PLXNA4: variants seen among roughly 807,000 people sequenced by gnomAD.
PLXNA4 encodes plexin-A4.
A neutral mutation model predicts 191.8 loss-of-function variants in PLXNA4; 44 were observed. The ratio of observed to expected loss-of-function variants is 0.23; its 90% CI spans 0.18 to 0.29. The LOEUF is 0.29. PLXNA4 is among the 10% of genes least tolerant of loss of function. PLXNA4 has a pLI of 1.00. For synonymous variants in PLXNA4, 1,082 were observed against 1,009.5 expected, an observed-to-expected ratio of 1.07 and a Z score of -1.36; for missense variants, 1,800 against 2,488.8, an observed-to-expected ratio of 0.72 and a Z score of 5.89.
chr7:132,292,899 G>A (rs1349895452), intron 4 of PLXNA4, among the ~76,000 whole-genome samples: 1 of 152,222 alleles, frequency 6.6e-6, no homozygotes, highest in Non-Finnish European at 1.5e-5. Context: ...CCACAGGCAT[G>A]AGGAGGGACC....
At chr7:132,280,037 A>G (rs1027321972) in intron 4 of PLXNA4, among the ~76,000 whole-genome samples, 1 of 152,194 alleles carries the variant, frequency 6.6e-6, no homozygotes, top group Non-Finnish European at 1.5e-5. Flanking sequence ...TATCCTTACT[A>G]TGTTTGATGG....
At chr7:132,558,016 CAAG>C (rs1800877914) in intron 1 of PLXNA4, among the ~76,000 whole-genome samples, 1 of 152,102 alleles carries the variant, frequency 6.6e-6, no homozygotes, top group Non-Finnish European at 1.5e-5. Context: ...TGCCTGCTTT[CAAG>C]AAGCTTGCAA....
At chr7:132,642,571 G>C (rs1448829794) in intron 2 of PLXNA4, among the ~76,000 whole-genome samples, 1 of 152,080 alleles carries the variant, frequency 6.6e-6, no homozygotes, top group Non-Finnish European at 1.5e-5. Flanking sequence ...CAGACTTGAA[G>C]TTGAGGGCGA....
chr7:132,616,828 G>T (rs889825722), intron 2 of PLXNA4, among the ~76,000 whole-genome samples: 3 of 152,100 alleles, frequency 2.0e-5, no homozygotes, highest in African/African-American at 4.8e-5. Context: ...GTGGTAGACT[G>T]TGCGGTTCTC....
At chr7:132,605,361 A>G (rs1021855810) in intron 2 of PLXNA4, among the ~76,000 whole-genome samples, 1 of 152,080 alleles carries the variant, frequency 6.6e-6, no homozygotes, top group East Asian at 1.9e-4. Flanking sequence ...CAGCTGTAAG[A>G]ATTTAGAGAG....
At chr7:132,241,533 G>A (rs573039004) in intron 4 of PLXNA4, among the ~76,000 whole-genome samples, 79 of 152,134 alleles carry the variant, frequency 5.2e-4, no homozygotes, top group Non-Finnish European at 1.1e-3. Context: ...TCCTATCAAT[G>A]TAACAAGTGC....
intron 3 of PLXNA4, among the ~76,000 whole-genome samples, chr7:132,415,784 G>A (rs1307196002): frequency 6.6e-6 from 1 of 152,202 alleles, no homozygotes; most frequent in Non-Finnish European, 1.5e-5. Flanking sequence ...GGAAACTGAG[G>A]TCTGGATAGG....
intron 1 of PLXNA4, among the ~76,000 whole-genome samples, chr7:132,573,260 G>A (rs1039440348): frequency 6.6e-6 from 1 of 152,150 alleles, no homozygotes; most frequent in Non-Finnish European, 1.5e-5. Context: ...GATCATGGTC[G>A]TGTTTTCTGT....
chr7:132,523,381 G>C (rs552588428), intron 1 of PLXNA4, among the ~76,000 whole-genome samples: 1 of 152,250 alleles, frequency 6.6e-6, no homozygotes, highest in South Asian at 2.1e-4. Context: ...TGGCCAGGGG[G>C]AGCCAGCCAT....
intron 9 of PLXNA4, among the ~76,000 whole-genome samples, chr7:132,213,047 T>C (rs1797853721): frequency 6.6e-6 from 1 of 152,236 alleles, no homozygotes; most frequent in African/African-American, 2.4e-5. Context: ...ATGTGGCCTA[T>C]TCATACAATG....
intron 3 of PLXNA4, among the ~76,000 whole-genome samples, chr7:132,338,202 T>C (rs1045372088): frequency 1.3e-5 from 2 of 152,216 alleles, no homozygotes; most frequent in African/African-American, 2.4e-5. Flanking sequence ...TTTTGTGTCT[T>C]GTAAAAAGCA....
intron 3 of PLXNA4, among the ~76,000 whole-genome samples, chr7:132,476,163 G>A (rs1797122369): frequency 6.6e-6 from 1 of 152,182 alleles, no homozygotes; most frequent in South Asian, 2.1e-4. Flanking sequence ...TCAGGCATGT[G>A]TGAGTATATC....
intron 1 of PLXNA4, among the ~76,000 whole-genome samples, chr7:132,515,975 A>C (rs1386265364): frequency 6.6e-6 from 1 of 152,244 alleles, no homozygotes; most frequent in Non-Finnish European, 1.5e-5. Flanking sequence ...CCAAGCTCAG[A>C]GCCTGAAACA....
rs571029991 is a variant in PLXNA4, at chr7:132,601,799, G to A, written c.-87+44129C>T. 1.3e-4 allele frequency among the ~76,000 whole-genome samples: 20 copies of A among 152,256 alleles called. 1 individual carries two copies. In the South Asian group the frequency reaches 3.7e-3, roughly 28 times the overall value. On this transcript the variant is annotated intron_variant, in intron 2 of 4. Transcript: ENST00000378539. Reference sequence around the variant, plus strand: ...GAACATATTAAATGATTAGAATAGAGGGAATAGATTAGTAATTGATTCAGT... The same window carrying A: ...GAACATATTAAATGATTAGAATAGAAGGAATAGATTAGTAATTGATTCAGT...
intron 5 of PLXNA4, 64 bp downstream of exon 5, chr7:132,241,002 A>G: frequency 2.5e-6 from 3 of 1,178,266 alleles, no homozygotes; most frequent in Admixed American, 3.9e-5. Context: ...ATGACAGAGA[A>G]GCAGAGGAAG....
intron 3 of PLXNA4, among the ~76,000 whole-genome samples, chr7:132,483,974 C>T (rs1463150780): frequency 6.6e-6 from 1 of 151,886 alleles, no homozygotes; most frequent in African/African-American, 2.4e-5. Context: ...ACTTGAGATC[C>T]CCCAGGGATG....
At chr7:132,408,091 A>G (rs1052978549) in intron 3 of PLXNA4, among the ~76,000 whole-genome samples, 5 of 152,238 alleles carry the variant, frequency 3.3e-5, no homozygotes, top group Middle Eastern at 3.2e-3. Context: ...ATTATTTATA[A>G]TTTAAAAATG....
intron 3 of PLXNA4, among the ~76,000 whole-genome samples, chr7:132,465,882 C>T (rs529260940): frequency 4.1e-4 from 62 of 152,228 alleles, no homozygotes; most frequent in African/African-American, 1.3e-3. Flanking sequence ...TTTTTCAAAA[C>T]GCATTTTTAG....
chr7:132,286,660 C>T (rs1445103222), intron 4 of PLXNA4, among the ~76,000 whole-genome samples: 1 of 152,180 alleles, frequency 6.6e-6, no homozygotes, highest in Non-Finnish European at 1.5e-5. Flanking sequence ...TTTCCCTCTG[C>T]TCTAGAAGTC....
Sources: allele counts gnomAD v4.1 joint callset (sites outside exome capture counted in the v4.1 genomes callset), GRCh38; gene constraint gnomAD v4.1.1; transcripts MANE v1.5; gene names NCBI Gene and HGNC (gene_info 2026-07-23, HGNC 2026-07-21).